The following SLC16A1 variants were observed in gnomAD, a reference collection of about 807,000 sequenced individuals.
SLC16A1 encodes monocarboxylate transporter 1.
In SLC16A1, 11 loss-of-function variants were observed where a neutral mutation model predicts 32.2. The ratio of observed to expected loss-of-function variants is 0.34; its 90% confidence interval spans 0.21 to 0.56. SLC16A1 has a LOEUF of 0.56. Ranked by LOEUF, SLC16A1 falls within the 20% of genes least tolerant of loss-of-function variation. The pLI, the probability that SLC16A1 is intolerant of heterozygous loss-of-function variation, is 0.87. For missense variants in SLC16A1, 435 were observed against 615.0 expected (o/e 0.71, Z 3.10); for synonymous variants, 231 against 226.8 (o/e 1.02, Z -0.17).
chr1:112,916,349 T>A (rs1389208143), intron 4 of SLC16A1, among the ~76,000 whole-genome samples: 1 of 150,762 alleles, frequency 6.6e-6, no homozygotes, highest in African/African-American at 2.4e-5. Flanking sequence ...AATACAAAAA[T>A]TAGCTGGGCA....
intron 1 of SLC16A1, among the ~76,000 whole-genome samples, chr1:112,939,295 G>A (rs1343376168): frequency 6.6e-6 from 1 of 152,184 alleles, no homozygotes; most frequent in Non-Finnish European, 1.5e-5. Flanking sequence ...ATAAACTGGT[G>A]TAGCTGTTAT....
chr1:112,941,716 A>G (rs1323351621), intron 1 of SLC16A1, among the ~76,000 whole-genome samples: 1 of 152,260 alleles, frequency 6.6e-6, no homozygotes, highest in African/African-American at 2.4e-5. Flanking sequence ...ACCATAAAAC[A>G]TACGAAAGCT....
chr1:112,940,295 C>T (rs1312029898), intron 1 of SLC16A1, among the ~76,000 whole-genome samples: 3 of 151,922 alleles, frequency 2.0e-5, no homozygotes, highest in Non-Finnish European at 2.9e-5. Context: ...CGCCGGCCTC[C>T]GCCTCCCAAA....
intron 3 of SLC16A1, among the ~76,000 whole-genome samples, chr1:112,918,854 C>T (rs1161283190): frequency 6.6e-6 from 1 of 152,028 alleles, no homozygotes; most frequent in African/African-American, 2.4e-5. Flanking sequence ...ATCCCTTCCA[C>T]TATAGCACCA....
intron 2 of SLC16A1, chr1:112,924,262 G>T: frequency 6.7e-7 from 1 of 1,486,664 alleles, no homozygotes. Context: ...GCAGAGGAAG[G>T]GCCCCTGGAG....
chr1:112,917,244 A>G lies in SLC16A1; in HGVS notation c.1162T>C (p.Ser388Pro). 6.2e-7 allele frequency: 1 copy of G among 1,614,206 alleles called. No individual in the cohort carries two copies. The change falls in exon 4 of 5, where the codon TCC becomes CCC. Residue 388 changes from serine (S) to proline (P), a missense_variant. Ser to Pro is a moderately conservative substitution (Grantham distance 74). Transcript: ENST00000369626. This position sits in a 1 kb window ranked among gnomAD's most constrained non-coding sequence, Gnocchi z 4.1. ...LMDLVGPQRF[S>P]SAVGLVTIVE... The stretch of plus-strand genomic sequence containing the variant: ...ATGGTCACCAATCCCACAGCGCTGG[A>G]GAACCTCTGGGGTCCAACAAGGTCC...
chr1:112,954,566 T>C (rs1170282443), intron 1 of SLC16A1, among the ~76,000 whole-genome samples: 1 of 152,212 alleles, frequency 6.6e-6, no homozygotes, highest in African/African-American at 2.4e-5. Context: ...TATAGTGATA[T>C]GACTTTTTTC....
chr1:112,921,211 CA>C (rs1305021484), intron 3 of SLC16A1, among the ~76,000 whole-genome samples: 1 of 151,448 alleles, frequency 6.6e-6, no homozygotes, highest in African/African-American at 2.4e-5. Flanking sequence ...GTTAAACTGG[CA>C]ATTATTTTTT....
intron 1 of SLC16A1, among the ~76,000 whole-genome samples, chr1:112,944,449 GA>G (rs1649623534): frequency 6.6e-6 from 1 of 151,938 alleles, no homozygotes; most frequent in African/African-American, 2.4e-5. Flanking sequence ...CTCAAAAAAC[GA>G]AAAACAAAGC....
chr1:112,935,419 T>C (rs988885289), intron 1 of SLC16A1, among the ~76,000 whole-genome samples: 3 of 151,906 alleles, frequency 2.0e-5, no homozygotes, highest in Admixed American at 6.6e-5. Flanking sequence ...AAAAAAAAAG[T>C]AAAGTCAGTG....
intron 1 of SLC16A1, among the ~76,000 whole-genome samples, chr1:112,936,896 C>A (rs1649326985): frequency 6.6e-6 from 1 of 152,026 alleles, no homozygotes. Context: ...TTTCATCTAC[C>A]TAGGATTTGG....
In SLC16A1 at chr1:112,921,972, G is replaced by C. The variant is rs1425827132; in HGVS notation, c.361+18C>G. The C allele has an allele frequency of 2.5e-6, 4 of 1,613,922 alleles. No individual in the cohort carries two copies. The highest frequency in any genetic ancestry group is 4.5e-5 in the East Asian group (2 of 44,878). ...CAGCCATAAACTAATGCTTCCAAAT[G>C]AATCAGTAGTAACTCACCTCCAATG... On this transcript the variant is annotated intron_variant, in intron 3 of 4. Coordinates refer to ENST00000369626, the MANE Select transcript of SLC16A1 (RefSeq NM_003051.4).
rs932173934 is a variant in SLC16A1, at chr1:112,952,186, T to G, written c.-45+3849A>C. 3.3e-5 allele frequency among the ~76,000 whole-genome samples: 5 copies of G among 152,310 alleles called. No individual in the cohort carries two copies. The East Asian group carries it at 9.6e-4, about 29-fold the overall frequency. ...ATATTAAACTAGGACATGTTAAATC[T>G]ATACCTGAGGGACATATTCATCAAC... is the stretch of plus-strand genomic sequence containing the variant. On this transcript the variant is annotated intron_variant, in intron 1 of 4. Coordinates refer to ENST00000369626, the MANE Select transcript of SLC16A1 (RefSeq NM_003051.4).
chr1:112,924,015 T>C, intron 2 of SLC16A1: 1 of 1,359,678 alleles, frequency 7.4e-7, no homozygotes, highest in Non-Finnish European at 1.1e-6. Context: ...CATGGGCCGC[T>C]TCTTTGGGAC....
intron 2 of SLC16A1, among the ~76,000 whole-genome samples, chr1:112,923,232 T>A (rs1354267535): frequency 6.6e-6 from 1 of 151,982 alleles, no homozygotes. Flanking sequence ...GGCAGAAGAA[T>A]CATTTGAATC....
intron 1 of SLC16A1, among the ~76,000 whole-genome samples, chr1:112,946,222 T>C (rs1209555027): frequency 6.6e-6 from 1 of 152,194 alleles, no homozygotes; most frequent in African/African-American, 2.4e-5. Context: ...ACTCTTTCAC[T>C]GCATTTTGTG....
At chr1:112,950,989 T>C (rs1649872139) in intron 1 of SLC16A1, among the ~76,000 whole-genome samples, 1 of 151,796 alleles carries the variant, frequency 6.6e-6, no homozygotes. Flanking sequence ...AGAGTGAATT[T>C]ATAAATTTAT....
intron 1 of SLC16A1, among the ~76,000 whole-genome samples, chr1:112,930,784 G>A (rs1267658403): frequency 6.8e-6 from 1 of 147,222 alleles, no homozygotes; most frequent in African/African-American, 2.6e-5. Context: ...GAGTGCAATA[G>A]CAAGATCTTG....
At position 112,941,532 on chromosome 1, in the gene SLC16A1, C is replaced by A. The variant is rs535890121; in HGVS notation, c.-44-12180G>T. Among the ~76,000 whole-genome samples, 3 of 152,322 alleles carry A rather than the reference C, an allele frequency of 2.0e-5. No homozygotes were observed. The South Asian group carries it at 6.2e-4, about 32-fold the overall frequency. On this transcript the variant is annotated intron_variant, in intron 1 of 4. Coordinates refer to ENST00000369626, the MANE Select transcript of SLC16A1 (RefSeq NM_003051.4). ...CCCCGACCTCAGGTCATCCGCCTGC[C>A]TTGGCCTCCCAAAGTGCTGGGATTA...
Sources: allele counts gnomAD v4.1 joint callset (sites outside exome capture counted in the v4.1 genomes callset), GRCh38; gene constraint gnomAD v4.1.1; non-coding constraint Gnocchi (gnomAD v3.1); transcripts MANE v1.5; gene names NCBI Gene and HGNC (gene_info 2026-07-23, HGNC 2026-07-21).